The following DEFB131A variants were observed in gnomAD, a reference collection of about 807,000 sequenced individuals.
DEFB131A encodes defensin beta 131A, also known as beta-defensin 131A.
In DEFB131A, 5 loss-of-function variants were observed where a neutral mutation model predicts 2.4. The ratio of observed to expected loss-of-function variants is 2.12; its 90% CI spans 1.11 to 4.47. The LOEUF is 4.47. Among genes scored for constraint, DEFB131A ranks in the 30% most tolerant of loss-of-function variants. The pLI is 0.00. For missense variants in DEFB131A, 120 were observed against 79.9 expected (o/e 1.50, Z -1.91); for synonymous variants, 34 against 25.7 (o/e 1.32, Z -0.97).
At chr4:9,449,451 G>T (rs1345095750) in intron 1 of DEFB131A, among the ~76,000 whole-genome samples, 1 of 148,446 alleles carries the variant, frequency 6.7e-6, no homozygotes, top group African/African-American at 2.5e-5. Context: ...GGGAAAAGAC[G>T]GTTTCTTCAA....
chr4:9,447,875 G>GAAGTTTAA (rs1376844483), intron 1 of DEFB131A, among the ~76,000 whole-genome samples: 1 of 152,030 alleles, frequency 6.6e-6, no homozygotes, highest in Non-Finnish European at 1.5e-5. Context: ...TGAGCTTAAA[G>GAAGTTTAA]AAGTTTAAAT....
chr4:9,449,925 G>C (rs1391308043), intron 1 of DEFB131A, among the ~76,000 whole-genome samples: 3 of 152,064 alleles, frequency 2.0e-5, no homozygotes, highest in Non-Finnish European at 4.4e-5. Context: ...TCTTCATATA[G>C]TTTTATATTT....
chr4:9,448,076 G>A lies in DEFB131A; in HGVS notation c.59-2284G>A, dbSNP rs554093674. Among the ~76,000 whole-genome samples the A allele has an allele frequency of 2.1e-4, 32 of 151,662 alleles. No individual in the cohort carries two copies. The South Asian group carries it at 5.2e-3, about 25-fold the overall frequency. On this transcript the variant is annotated intron_variant, in intron 1 of 1. Coordinates refer to ENST00000334879, the MANE Select transcript of DEFB131A (RefSeq NM_001040448.3). ...TCCCGAAATTGAAAATAAGCAAAAT[G>A]TACATATCTAGGAAGCTGAGAGAAT... is the stretch of plus-strand genomic sequence containing the variant.
At chr4:9,446,680 A>AG (rs1229586964) in intron 1 of DEFB131A, among the ~76,000 whole-genome samples, 1 of 151,970 alleles carries the variant, frequency 6.6e-6, no homozygotes, top group African/African-American at 2.4e-5. Flanking sequence ...GGTGCATAGT[A>AG]GCTTGTTTAT....
intron 1 of DEFB131A, among the ~76,000 whole-genome samples, chr4:9,447,965 AG>A (rs1717545061): frequency 6.6e-6 from 1 of 152,148 alleles, no homozygotes; most frequent in African/African-American, 2.4e-5. Context: ...CAATTACAAA[AG>A]GAACAATATA....
chr4:9,449,772 C>T (rs1430197533), intron 1 of DEFB131A, among the ~76,000 whole-genome samples: 2 of 152,084 alleles, frequency 1.3e-5, no homozygotes, highest in African/African-American at 4.8e-5. Context: ...GGACACATGG[C>T]CTTGAGCCCG....
intron 1 of DEFB131A, among the ~76,000 whole-genome samples, chr4:9,444,886 A>G (rs1717452556): frequency 6.9e-6 from 1 of 145,234 alleles, no homozygotes; most frequent in South Asian, 2.3e-4. Flanking sequence ...GGTGGGGGCA[A>G]CAGGGTGAAA....
rs1296522464 is a variant in DEFB131A, at chr4:9,450,498, G to A, written c.197G>A (p.Gly66Glu). The A allele has an allele frequency of 6.2e-7, 1 of 1,609,324 alleles. No individual in the cohort carries two copies. Among genetic ancestry groups the A allele is most frequent in the African/African-American group, 1.3e-5 (1 of 74,782 alleles). ...CCKLKIIEID[G>E]QKKW Reference sequence around the variant, plus strand: ...AAACTGAAGATCATTGAAATTGACGGACAAAAGAAGTGGTGAAAATTCTAA... The same window carrying A: ...AAACTGAAGATCATTGAAATTGACGAACAAAAGAAGTGGTGAAAATTCTAA... Residue 66 changes from glycine (G) to glutamate (E), a missense_variant, in exon 2 of 2, where the codon GGA becomes GAA. By Grantham distance (98) the Gly-to-Glu change is moderately conservative. Coordinates refer to ENST00000334879, the MANE Select transcript of DEFB131A (RefSeq NM_001040448.3).
chr4:9,449,280 T>C (rs1398320229), intron 1 of DEFB131A, among the ~76,000 whole-genome samples: 1 of 133,428 alleles, frequency 7.5e-6, no homozygotes, highest in Non-Finnish European at 1.6e-5. Context: ...TTATAGATTA[T>C]ATACAATCCC....
intron 1 of DEFB131A, among the ~76,000 whole-genome samples, chr4:9,449,571 A>G (rs925009918): frequency 1.3e-5 from 2 of 151,742 alleles, no homozygotes; most frequent in Non-Finnish European, 2.9e-5. Flanking sequence ...TTTAAACATA[A>G]TTACCTGAAA....
chr4:9,448,121 A>C (rs561967979), intron 1 of DEFB131A, among the ~76,000 whole-genome samples: 5 of 151,916 alleles, frequency 3.3e-5, no homozygotes, highest in Non-Finnish European at 7.4e-5. Context: ...GATAAATACA[A>C]AAAATTTAAA....
Position 9,444,764 on chromosome 4 carries a change from A to T in DEFB131A, c.58+173A>T, listed in dbSNP as rs532073473. 3.3e-5 allele frequency among the ~76,000 whole-genome samples: 5 copies of T among 152,234 alleles called. No homozygotes were observed. The East Asian group carries it at 5.8e-4, about 18-fold the overall frequency. On this transcript the variant is annotated intron_variant, in intron 1 of 1. Transcript: ENST00000334879. ...AGAAATAAATAAGGTGGTTCACTGC[A>T]GTGATTTAACCTATGATAAACTCAC...
At chr4:9,447,929 G>T (rs1262786834) in intron 1 of DEFB131A, among the ~76,000 whole-genome samples, 1 of 151,842 alleles carries the variant, frequency 6.6e-6, no homozygotes, top group Non-Finnish European at 1.5e-5. Flanking sequence ...GAATTAAAAA[G>T]AACAGAATAT....
At chr4:9,447,260 G>C (rs1316360081) in intron 1 of DEFB131A, among the ~76,000 whole-genome samples, 28 of 152,022 alleles carry the variant, frequency 1.8e-4, no homozygotes, top group Admixed American at 1.8e-3. Flanking sequence ...ATATATCTAA[G>C]CATTCCACTA....
At chr4:9,448,841 C>A (rs1354533265) in intron 1 of DEFB131A, among the ~76,000 whole-genome samples, 1 of 152,078 alleles carries the variant, frequency 6.6e-6, no homozygotes, top group African/African-American at 2.4e-5. Flanking sequence ...CTAGCAAGAA[C>A]AATTAGGCAA....
intron 1 of DEFB131A, among the ~76,000 whole-genome samples, chr4:9,448,883 G>T (rs941555950): frequency 2.0e-5 from 3 of 152,104 alleles, no homozygotes; most frequent in Non-Finnish European, 4.4e-5. Context: ...CAAACAGTTG[G>T]GGGGTGGGAA....
intron 1 of DEFB131A, among the ~76,000 whole-genome samples, chr4:9,446,164 A>G (rs1479763918): frequency 6.6e-6 from 1 of 152,120 alleles, no homozygotes; most frequent in Non-Finnish European, 1.5e-5. Context: ...ATAATTATAT[A>G]AATGATAGAA....
intron 1 of DEFB131A, among the ~76,000 whole-genome samples, chr4:9,445,290 C>A (rs1178864864): frequency 6.6e-6 from 1 of 151,958 alleles, no homozygotes; most frequent in East Asian, 1.9e-4. Context: ...AGGCAAGGAC[C>A]TAGCCTCTGT....
chr4:9,449,909 C>A (rs577785673), intron 1 of DEFB131A, among the ~76,000 whole-genome samples: 2 of 152,238 alleles, frequency 1.3e-5, no homozygotes, highest in African/African-American at 4.8e-5. Context: ...TTCCCACCAC[C>A]ATATCTCTTC....
Sources: gnomAD v4.1 joint callset for allele counts (sites outside exome capture counted in the v4.1 genomes callset) on GRCh38, gnomAD v4.1.1 for gene constraint, MANE v1.5 for transcripts, NCBI Gene and HGNC (gene_info 2026-07-23, HGNC 2026-07-21) for gene names.